The following EML6 variants were observed in gnomAD, a reference collection of about 807,000 sequenced individuals.
EML6 encodes EMAP like 6, also known as echinoderm microtubule-associated protein-like 6.
A neutral mutation model predicts 240.1 loss-of-function variants in EML6; 154 were observed. The observed-to-expected ratio is 0.64, with a 90% CI of 0.56 to 0.73. The LOEUF is 0.73. EML6 is among the 30% of genes least tolerant of loss of function. EML6 has a pLI of 0.00. For synonymous variants in EML6, 1,148 were observed against 899.0 expected (o/e 1.28, Z -4.95); for missense variants, 2,964 against 2,474.6 (o/e 1.20, Z -4.20).
chr2:54,968,658 T>C lies in EML6; in HGVS notation c.5752-10T>C. 1 of 1,533,754 alleles carries C rather than the reference T, an allele frequency of 6.5e-7. No individual in the cohort carries two copies. The highest frequency in any genetic ancestry group is 8.8e-7 in the Non-Finnish European group (1 of 1,130,620). On this transcript the variant is annotated splice_polypyrimidine_tract_variant and intron_variant, in intron 40 of 41. Transcript: ENST00000356458. ...GTCTCTTAGCTGTCTCCATTCACTT[T>C]TGCTCACAGGCCAAACATAAGCGAT...
chr2:54,884,146 C>T (rs1671992122), intron 17 of EML6, among the ~76,000 whole-genome samples: 1 of 152,166 alleles, frequency 6.6e-6, no homozygotes, highest in Non-Finnish European at 1.5e-5. Flanking sequence ...TGAGACCGTT[C>T]CCCTCATCCC....
intron 11 of EML6, 27 bp downstream of exon 11, chr2:54,853,882 C>T (rs1558615896): frequency 2.7e-6 from 4 of 1,463,986 alleles, no homozygotes; most frequent in Non-Finnish European, 3.7e-6. Flanking sequence ...TGTTTCATTG[C>T]ATAAAGATTT....
rs375039049 is a variant in EML6, at chr2:54,895,247, G to A, written c.2855-26G>A. 1.6e-4 allele frequency: 253 copies of A among 1,550,740 alleles called. No homozygotes were observed. The African/African-American group carries it at 1.7e-3, about 10-fold the overall frequency. On this transcript the variant is annotated intron_variant, in intron 20 of 41. Transcript: ENST00000356458. ...AATAAGCAGTTGTTTTTGTTATTGT[G>A]TTAAATATACCATCCCCTTCCCCAG...
chr2:54,789,860 T>TAGTA (rs1669334625), intron 2 of EML6, among the ~76,000 whole-genome samples: 1 of 152,206 alleles, frequency 6.6e-6, no homozygotes, highest in Admixed American at 6.5e-5. Flanking sequence ...TCTACCTAAA[T>TAGTA]AGTAAGTACA....
Position 54,903,363 on chromosome 2 carries a change from C to G in EML6, c.3278-8C>G. 1.3e-6 allele frequency: 2 copies of G among 1,550,120 alleles called. No individual in the cohort carries two copies. Among genetic ancestry groups the G allele is most frequent in the Non-Finnish European group, 1.7e-6 (2 of 1,146,518 alleles). On this transcript the variant is annotated splice_region_variant and splice_polypyrimidine_tract_variant and intron_variant, in intron 23 of 41. Coordinates refer to ENST00000356458, the MANE Select transcript of EML6 (RefSeq NM_001039753.4). The stretch of plus-strand genomic sequence containing the variant: ...GCTTCGATGTTAACCCCACATTTTT[C>G]TTAACAGATACGGGAAAATACCTTG...
intron 2 of EML6, among the ~76,000 whole-genome samples, chr2:54,767,632 A>G (rs62136878): frequency 0.067 from 8,696 of 130,386 alleles, 444 homozygotes; most frequent in East Asian, 0.29. Flanking sequence ...GTGTGTGTGT[A>G]TGTGTGTGTG....
At chr2:54,929,152 A>G (rs775628547) in intron 28 of EML6, among the ~76,000 whole-genome samples, 1 of 152,306 alleles carries the variant, frequency 6.6e-6, no homozygotes, top group South Asian at 2.1e-4. Flanking sequence ...CAGAGTTGTG[A>G]AAAACCATCT....
chr2:54,727,273 A>G (rs913905148), intron 2 of EML6, among the ~76,000 whole-genome samples: 2 of 150,856 alleles, frequency 1.3e-5, no homozygotes, highest in Admixed American at 6.8e-5. Context: ...CTGTATTCAT[A>G]ATTCTCCACA....
intron 2 of EML6, among the ~76,000 whole-genome samples, chr2:54,801,212 C>A (rs1212056531): frequency 6.6e-6 from 1 of 151,212 alleles, no homozygotes; most frequent in African/African-American, 2.4e-5. Flanking sequence ...CCCAGATCCT[C>A]GGGAGGCTGG....
intron 21 of EML6, among the ~76,000 whole-genome samples, chr2:54,896,242 G>A (rs10199594): frequency 0.98 from 148,892 of 152,200 alleles, 72,843 homozygotes; most frequent in Admixed American, 0.99. Flanking sequence ...TGCCTTAGAT[G>A]TAAGTCCTGT....
intron 28 of EML6, among the ~76,000 whole-genome samples, chr2:54,942,944 T>C (rs959165723): frequency 6.6e-6 from 1 of 152,114 alleles, no homozygotes; most frequent in Non-Finnish European, 1.5e-5. Flanking sequence ...TGTTGGCCCT[T>C]CTCCCCTACA....
intron 2 of EML6, among the ~76,000 whole-genome samples, chr2:54,809,100 CTT>C (rs1482759030): frequency 2.0e-5 from 3 of 152,170 alleles, no homozygotes; most frequent in Non-Finnish European, 4.4e-5. Flanking sequence ...TGGAATGAGA[CTT>C]TCATTGTCTT....
intron 40 of EML6, 58 bp downstream of exon 40, chr2:54,968,339 A>G: frequency 1.3e-6 from 2 of 1,496,682 alleles, no homozygotes; most frequent in Non-Finnish European, 1.8e-6. Flanking sequence ...TCTGCAGGAG[A>G]TAGGGGCCAC....
chr2:54,727,862 A>G (rs1682980022), intron 2 of EML6, among the ~76,000 whole-genome samples: 1 of 152,224 alleles, frequency 6.6e-6, no homozygotes, highest in Admixed American at 6.5e-5. Flanking sequence ...AAGTATTGAT[A>G]ACACACTCCA....
chr2:54,963,953 G>A (rs1296328943), intron 36 of EML6, 33 bp from the exon 37 acceptor site: 6 of 1,529,954 alleles, frequency 3.9e-6, no homozygotes, highest in Non-Finnish European at 5.3e-6. Flanking sequence ...AGGGGGCCAA[G>A]AGCTCAGGTG....
chr2:54,966,945 A>G, intron 38 of EML6, 55 bp from the exon 39 acceptor site: 1 of 1,141,152 alleles, frequency 8.8e-7, no homozygotes, highest in South Asian at 1.3e-5. Flanking sequence ...GCCCAAAGGG[A>G]GTCTGTGGGA....
At chr2:54,942,281 G>T (rs544190551) in intron 28 of EML6, among the ~76,000 whole-genome samples, 8 of 152,196 alleles carry the variant, frequency 5.3e-5, no homozygotes, top group Non-Finnish European at 1.0e-4. Context: ...CTCCCACAGT[G>T]TAATCATCAA....
intron 2 of EML6, among the ~76,000 whole-genome samples, chr2:54,772,772 C>G (rs1668451158): frequency 6.6e-6 from 1 of 152,206 alleles, no homozygotes; most frequent in East Asian, 1.9e-4. Flanking sequence ...CTGCAGAGAC[C>G]ATGTGTTTCT....
chr2:54,731,949 C>A (rs1330570841), intron 2 of EML6, among the ~76,000 whole-genome samples: 1 of 152,198 alleles, frequency 6.6e-6, no homozygotes, highest in African/African-American at 2.4e-5. Context: ...TCCAATTCCT[C>A]CACATCGTCA....
Sources: gnomAD v4.1 joint callset for allele counts (sites outside exome capture counted in the v4.1 genomes callset) on GRCh38, gnomAD v4.1.1 for gene constraint, MANE v1.5 for transcripts, NCBI Gene and HGNC (gene_info 2026-07-23, HGNC 2026-07-21) for gene names.